STIMATE: variants seen among roughly 807,000 people sequenced by gnomAD.
The protein encoded by STIMATE is STIM activating enhancer, also known as store-operated calcium entry regulator STIMATE.
STIMATE carries 15 observed loss-of-function variants against 36.7 expected under a neutral mutation model. The observed-to-expected ratio is 0.41, with a 90% CI of 0.27 to 0.63. STIMATE has a LOEUF of 0.63. STIMATE is among the 20% of genes least tolerant of loss of function. The pLI, the probability that STIMATE is intolerant of heterozygous loss-of-function variation, is 0.32. For missense variants in STIMATE, 305 were observed against 397.3 expected (o/e 0.77, Z 1.98); for synonymous variants, 163 against 162.3 (o/e 1.00, Z -0.03).
intron 6 of STIMATE, 96 bp downstream of exon 6, chr3:52,843,625 G>A: frequency 6.8e-7 from 1 of 1,461,320 alleles, no homozygotes; most frequent in East Asian, 2.5e-5. Flanking sequence ...AAAGACCTGA[G>A]GGCTACAGGT....
intron 1 of STIMATE, among the ~76,000 whole-genome samples, chr3:52,862,762 G>C (rs1320786695): frequency 6.6e-6 from 1 of 152,194 alleles, no homozygotes; most frequent in Non-Finnish European, 1.5e-5. Flanking sequence ...GCCTTATTTG[G>C]AGAAAAGGTC....
intron 1 of STIMATE, chr3:52,895,832 C>CT: frequency 8.1e-7 from 1 of 1,230,764 alleles, no homozygotes; most frequent in South Asian, 1.3e-5. Flanking sequence ...GAAAGGAAGG[C>CT]TGTCTGGAGG....
At chr3:52,860,842 G>A (rs192577351) in intron 1 of STIMATE, among the ~76,000 whole-genome samples, 6 of 152,318 alleles carry the variant, frequency 3.9e-5, no homozygotes, top group East Asian at 1.9e-4. Context: ...ACTGTTCCAC[G>A]TGGTGGCGGG....
intron 4 of STIMATE, among the ~76,000 whole-genome samples, chr3:52,845,773 A>T (rs1559489163): frequency 6.6e-6 from 1 of 151,962 alleles, no homozygotes; most frequent in Non-Finnish European, 1.5e-5. Context: ...GATATGAAGA[A>T]CCCTAGGGTG....
At position 52,842,971 on chromosome 3, in the gene STIMATE, GA is replaced by G; in HGVS notation, c.619-12del. On this transcript the variant is annotated splice_polypyrimidine_tract_variant and intron_variant, in intron 6 of 7. Transcript: ENST00000355083. ...CCAAAACATCAAAGCCTGTGGGAAG[GA>G]AAAGTGCAGGTTACTTTGGGATAAA... The G allele has an allele frequency of 1.2e-6, 2 of 1,614,154 alleles. No individual in the cohort carries two copies.
Position 52,897,084 on chromosome 3 carries a change from G to A in STIMATE, c.160+207C>T, listed in dbSNP as rs1575355827. The stretch of plus-strand genomic sequence containing the variant: ...AAAAGACAGACGTTTAAGGTGGAAA[G>A]GGGAAGGGTCACTCCTGTCTGGAGG... On this transcript the variant is annotated intron_variant, in intron 1 of 7. Coordinates refer to ENST00000355083, the MANE Select transcript of STIMATE (RefSeq NM_198563.5). Among the ~76,000 whole-genome samples the A allele has an allele frequency of 2.6e-5, 4 of 152,314 alleles. No homozygotes were observed. The East Asian group carries it at 7.7e-4, about 29-fold the overall frequency.
At chr3:52,869,224 T>G (rs1701361467) in intron 1 of STIMATE, among the ~76,000 whole-genome samples, 1 of 152,218 alleles carries the variant, frequency 6.6e-6, no homozygotes, top group African/African-American at 2.4e-5. Flanking sequence ...TAGCAAGTCC[T>G]CCTGACTCCA....
At position 52,840,364 on chromosome 3, in the gene STIMATE, G is replaced by A. The variant is rs1481550523; in HGVS notation, c.*130C>T. On this transcript the variant is annotated 3_prime_UTR_variant, in exon 8 of 8. Coordinates refer to ENST00000355083, the MANE Select transcript of STIMATE (RefSeq NM_198563.5). The stretch of plus-strand genomic sequence containing the variant: ...CAGTAGTCTGGGGGCAGGCGAGAGC[G>A]GGCAGAGACAGCAAGAGGAGCAGAG... 3.4e-5 allele frequency: 36 copies of A among 1,069,704 alleles called. No individual in the cohort carries two copies. Among genetic ancestry groups the A allele is most frequent in the African/African-American group, 6.3e-5 (4 of 63,234 alleles). The allele number at this position is 1,069,704 out of a possible 1,614,324, so 66.3% of individuals were successfully genotyped here. A position where few individuals can be genotyped will look rare whatever the true frequency, so the allele number is the denominator to read the frequency against.
intron 1 of STIMATE, among the ~76,000 whole-genome samples, chr3:52,867,635 C>T (rs2106696979): frequency 6.6e-6 from 1 of 152,362 alleles, no homozygotes; most frequent in Non-Finnish European, 1.5e-5. Flanking sequence ...TCTCACGGGC[C>T]AGTGCCTCCT....
At chr3:52,871,507 T>C (rs1198979015) in intron 1 of STIMATE, among the ~76,000 whole-genome samples, 1 of 152,184 alleles carries the variant, frequency 6.6e-6, no homozygotes, top group African/African-American at 2.4e-5. Context: ...AGCCTCCCCC[T>C]GTGGCAGGGA....
At chr3:52,885,282 G>C (rs1701672136) in intron 1 of STIMATE, among the ~76,000 whole-genome samples, 1 of 151,910 alleles carries the variant, frequency 6.6e-6, no homozygotes, top group South Asian at 2.1e-4. Context: ...TGAGTTCTAA[G>C]AATTCTTTAC....
chr3:52,886,636 G>C (rs1701690292), intron 1 of STIMATE, among the ~76,000 whole-genome samples: 2 of 152,296 alleles, frequency 1.3e-5, no homozygotes, highest in Middle Eastern at 3.4e-3. Flanking sequence ...CTTCCAAATG[G>C]GGGAGGCTTT....
intron 1 of STIMATE, among the ~76,000 whole-genome samples, chr3:52,893,229 C>A (rs1701810261): frequency 6.6e-6 from 1 of 152,000 alleles, no homozygotes; most frequent in Admixed American, 6.6e-5. Context: ...GAGATGATAT[C>A]ATGGAGTTAT....
chr3:52,879,149 C>T (rs1559497676), intron 1 of STIMATE, among the ~76,000 whole-genome samples: 1 of 152,348 alleles, frequency 6.6e-6, no homozygotes, highest in African/African-American at 2.4e-5. Context: ...CCTAGCTCCT[C>T]AGCCCAATGA....
rs369277329 is a variant in STIMATE at position 52,847,336 on chromosome 3, C to G, written c.428-2395G>C. 2.0e-5 allele frequency: 24 copies of G among 1,212,448 alleles called. No individual in the cohort carries two copies. In the African/African-American group the frequency reaches 2.7e-4, roughly 14 times the overall value. The allele number at this position is 1,212,448 out of a possible 1,614,324, so 75.1% of individuals were successfully genotyped here. A position where few individuals can be genotyped will look rare whatever the true frequency, so the allele number is the denominator to read the frequency against. Reference sequence around the variant, plus strand: ...CCAAAAGGAGGGAACACATCTGTGGCGAGAGGCTTTCAAAAGGGAGAGTTT... The same window carrying G: ...CCAAAAGGAGGGAACACATCTGTGGGGAGAGGCTTTCAAAAGGGAGAGTTT... On this transcript the variant is annotated intron_variant, in intron 4 of 7. Coordinates refer to ENST00000355083, the MANE Select transcript of STIMATE (RefSeq NM_198563.5).
At chr3:52,867,680 C>T (rs1701334398) in intron 1 of STIMATE, among the ~76,000 whole-genome samples, 1 of 152,250 alleles carries the variant, frequency 6.6e-6, no homozygotes, top group Admixed American at 6.5e-5. Flanking sequence ...GCGGACTCTT[C>T]CCCTGGGCAA....
At chr3:52,895,760 T>C (rs1701854312) in intron 1 of STIMATE, 6 of 576,878 alleles carry the variant, frequency 1.0e-5, no homozygotes, top group African/African-American at 2.0e-5. Context: ...CAGCCAGAGC[T>C]AGGCTAAGAA....
At chr3:52,853,391 G>C (rs538888861) in intron 2 of STIMATE, among the ~76,000 whole-genome samples, 1 of 152,338 alleles carries the variant, frequency 6.6e-6, no homozygotes, top group Admixed American at 6.5e-5. Context: ...CGACCCATGT[G>C]ACAGGAGCAT....
At chr3:52,879,352 C>T (rs1272348630) in intron 1 of STIMATE, among the ~76,000 whole-genome samples, 2 of 152,146 alleles carry the variant, frequency 1.3e-5, no homozygotes, top group African/African-American at 4.8e-5. Flanking sequence ...AATCATCACC[C>T]GCTATGAGCT....
Sources: allele counts gnomAD v4.1 joint callset (sites outside exome capture counted in the v4.1 genomes callset), GRCh38; gene constraint gnomAD v4.1.1; transcripts MANE v1.5; gene names NCBI Gene and HGNC (gene_info 2026-07-23, HGNC 2026-07-21).